The following ADARB2 variants were observed in gnomAD, a reference collection of about 807,000 sequenced individuals.
ADARB2 encodes the protein adenosine deaminase RNA specific B2 (inactive).
Under a neutral mutation model 62.2 loss-of-function variants are expected in ADARB2, and 25 were observed. The ratio of observed to expected loss-of-function variants is 0.40; its 90% confidence interval spans 0.29 to 0.56. The LOEUF is 0.56. ADARB2 is among the 20% of genes least tolerant of loss of function. The pLI, the probability that ADARB2 is intolerant of heterozygous loss-of-function variation, is 0.43. For missense variants in ADARB2, 1,071 were observed against 1,077.4 expected, an observed-to-expected ratio of 0.99 and a Z score of 0.08; for synonymous variants, 572 against 500.8, an observed-to-expected ratio of 1.14 and a Z score of -1.90.
At chr10:1,720,640 G>A (rs759286316) in intron 1 of ADARB2, among the ~76,000 whole-genome samples, 7 of 152,126 alleles carry the variant, frequency 4.6e-5, no homozygotes, top group Admixed American at 2.0e-4. Context: ...CAGAGTAATC[G>A]GTATTGTCTC....
At chr10:1,473,743 T>C (rs1244913489) in intron 1 of ADARB2, among the ~76,000 whole-genome samples, 2 of 152,224 alleles carry the variant, frequency 1.3e-5, no homozygotes, top group Non-Finnish European at 2.9e-5. Flanking sequence ...TAGAGGTCTA[T>C]AGACATTAGG....
intron 3 of ADARB2, among the ~76,000 whole-genome samples, chr10:1,329,175 C>T (rs1831904901): frequency 6.6e-6 from 1 of 152,212 alleles, no homozygotes; most frequent in African/African-American, 2.4e-5. Context: ...TATTACATTT[C>T]AGCACGACAG....
chr10:1,684,826 G>T (rs1834579689), intron 1 of ADARB2, among the ~76,000 whole-genome samples: 1 of 152,228 alleles, frequency 6.6e-6, no homozygotes, highest in Non-Finnish European at 1.5e-5. Context: ...AAACCCAGAA[G>T]CTCAGGAATG....
rs770142632 is a variant in ADARB2 at position 1,184,909 on chromosome 10, C to T, written c.1995G>A (p.Arg665=). The change falls in exon 9 of 10, where the codon CGG becomes CGA. Residue 665 remains arginine (R), a synonymous_variant. Coordinates refer to ENST00000381312, the MANE Select transcript of ADARB2 (RefSeq NM_018702.4). The stretch of plus-strand genomic sequence containing the variant: ...GTGCAGACAGCACGTGCTTGCAGAG[C>T]CGGGATGGGCCCCCACAGCTCCTCC... ...TGRRSCGGPS[R]LCKHVLSARW... 23 of 1,613,760 alleles carry T rather than the reference C, an allele frequency of 1.4e-5. No individual in the cohort carries two copies. Among genetic ancestry groups the T allele is most frequent in the Non-Finnish European group, 1.9e-5 (22 of 1,180,030 alleles).
At chr10:1,658,128 CTG>C (rs1834195824) in intron 1 of ADARB2, among the ~76,000 whole-genome samples, 1 of 150,656 alleles carries the variant, frequency 6.6e-6, no homozygotes, top group South Asian at 2.1e-4. Flanking sequence ...CTGTCTGATG[CTG>C]TCTCTCTCTC....
chr10:1,226,599 CCTTT>C (rs1830748807), intron 6 of ADARB2, among the ~76,000 whole-genome samples: 1 of 152,128 alleles, frequency 6.6e-6, no homozygotes, highest in Admixed American at 6.6e-5. Flanking sequence ...GTGTGGATGT[CCTTT>C]CTGTTTGTTA....
At chr10:1,333,675 A>C (rs1831948774) in intron 3 of ADARB2, among the ~76,000 whole-genome samples, 1 of 152,206 alleles carries the variant, frequency 6.6e-6, no homozygotes, top group South Asian at 2.1e-4. Context: ...AGAGACGATG[A>C]TGATTTATCA....
At chr10:1,305,736 G>A (rs1831620732) in intron 3 of ADARB2, among the ~76,000 whole-genome samples, 1 of 152,134 alleles carries the variant, frequency 6.6e-6, no homozygotes. Context: ...TGGGATGCAA[G>A]GCTGGTTCAA....
intron 1 of ADARB2, among the ~76,000 whole-genome samples, chr10:1,591,393 AG>A (rs2132007844): frequency 6.9e-6 from 1 of 144,354 alleles, no homozygotes; most frequent in African/African-American, 2.6e-5. Context: ...CACTGTTAAA[AG>A]GGTTCGCTGC....
At chr10:1,630,272 T>C (rs540405719) in intron 1 of ADARB2, among the ~76,000 whole-genome samples, 2 of 152,122 alleles carry the variant, frequency 1.3e-5, no homozygotes, top group East Asian at 3.9e-4. Context: ...TATGTTCTCG[T>C]GAGGATGGGA....
intron 1 of ADARB2, among the ~76,000 whole-genome samples, chr10:1,596,940 G>T (rs1005802340): frequency 3.9e-5 from 6 of 152,168 alleles, no homozygotes; most frequent in Non-Finnish European, 8.8e-5. Flanking sequence ...GAATGGGGGG[G>T]CTTCATCGCC....
At chr10:1,488,814 G>T (rs1373687885) in intron 1 of ADARB2, among the ~76,000 whole-genome samples, 1 of 151,774 alleles carries the variant, frequency 6.6e-6, no homozygotes, top group East Asian at 1.9e-4. Context: ...GAAAACGCTC[G>T]CATATCTGCG....
chr10:1,517,832 G>C (rs1362871696), intron 1 of ADARB2, among the ~76,000 whole-genome samples: 4 of 152,150 alleles, frequency 2.6e-5, no homozygotes, highest in African/African-American at 9.7e-5. Context: ...ACTAGTCTCT[G>C]CTTCCTCCTG....
intron 3 of ADARB2, among the ~76,000 whole-genome samples, chr10:1,339,036 G>A (rs1008522435): frequency 4.6e-5 from 7 of 152,170 alleles, no homozygotes; most frequent in African/African-American, 1.7e-4. Context: ...CCTTATTTTG[G>A]TTGGATAGGA....
At chr10:1,624,433 A>C (rs1180183249) in intron 1 of ADARB2, among the ~76,000 whole-genome samples, 2 of 152,272 alleles carry the variant, frequency 1.3e-5, no homozygotes, top group African/African-American at 4.8e-5. Context: ...ACAGCCCCAC[A>C]GCTGGGAGCC....
intron 3 of ADARB2, among the ~76,000 whole-genome samples, chr10:1,308,089 T>C (rs200240478): frequency 3.9e-5 from 2 of 51,874 alleles, no homozygotes; most frequent in African/African-American, 8.0e-5. Context: ...ATAAAAAAAA[T>C]AAATTAAAAA....
intron 1 of ADARB2, among the ~76,000 whole-genome samples, chr10:1,615,963 G>A (rs1833626648): frequency 2.0e-5 from 3 of 152,200 alleles, no homozygotes; most frequent in South Asian, 4.1e-4. Flanking sequence ...CTGAAAATTG[G>A]ATTCTACTAG....
intron 1 of ADARB2, among the ~76,000 whole-genome samples, chr10:1,659,407 C>T (rs574417184): frequency 7.2e-5 from 11 of 152,300 alleles, no homozygotes; most frequent in African/African-American, 2.6e-4. Context: ...ATGGGGGTCC[C>T]CACGCGACAT....
chr10:1,603,090 T>TACACACATCAACACACAC (rs1344092465), intron 1 of ADARB2, among the ~76,000 whole-genome samples: 1 of 133,054 alleles, frequency 7.5e-6, no homozygotes, highest in Non-Finnish European at 1.7e-5. Flanking sequence ...TGTACACACA[T>TACACACATCAACACACAC]ACACACATCA....
Sources: allele counts gnomAD v4.1 joint callset (sites outside exome capture counted in the v4.1 genomes callset), GRCh38; gene constraint gnomAD v4.1.1; transcripts MANE v1.5; gene names NCBI Gene and HGNC (gene_info 2026-07-23, HGNC 2026-07-21).